SORCS1: variants seen among roughly 807,000 people sequenced by gnomAD.
SORCS1 encodes VPS10 domain-containing receptor SorCS1.
SORCS1 carries 60 observed loss-of-function variants against 146.1 expected under a neutral mutation model. That is an observed-to-expected ratio of 0.41 (90% CI 0.33 to 0.51). The LOEUF (loss-of-function observed/expected upper bound fraction) is 0.51. Ranked by LOEUF, SORCS1 falls within the 20% of genes least tolerant of loss-of-function variation. The pLI, the probability that SORCS1 is intolerant of heterozygous loss-of-function variation, is 0.21. For synonymous variants in SORCS1, 637 were observed against 584.0 expected (o/e 1.09, Z -1.31); for missense variants, 1,352 against 1,487.6 (o/e 0.91, Z 1.50).
chr10:107,154,086 A>G (rs1396279308), intron 1 of SORCS1, among the ~76,000 whole-genome samples: 1 of 133,534 alleles, frequency 7.5e-6, no homozygotes, highest in Non-Finnish European at 1.5e-5. Flanking sequence ...ATCTTGGCTC[A>G]CTGCAACCTC....
intron 3 of SORCS1, among the ~76,000 whole-genome samples, chr10:106,819,398 C>A (rs1191256941): frequency 6.6e-6 from 1 of 152,190 alleles, no homozygotes; most frequent in Non-Finnish European, 1.5e-5. Context: ...TACTGTTCCA[C>A]AACTAATGAT....
Position 106,842,976 on chromosome 10 carries a change from C to T in SORCS1, c.627-13303G>A, listed in dbSNP as rs118128133. Among the ~76,000 whole-genome samples, 1,161 of 152,186 alleles carry T rather than the reference C, an allele frequency of 7.6e-3. 37 individuals carry two copies. In the South Asian group the frequency reaches 0.095, roughly 12 times the overall value. On this transcript the variant is annotated intron_variant, in intron 2 of 25. Transcript: ENST00000263054. ...TATGTATTTCCCCAATTTACTGATA[C>T]GATTGACAAATGTAATTGTATTTAA...
chr10:107,077,645 C>T lies in SORCS1; in HGVS notation c.558+86324G>A, dbSNP rs1484876902. On this transcript the variant is annotated intron_variant, in intron 1 of 25. Transcript: ENST00000263054. ...TCATAAGAATCTCTTACATCCGTTT[C>T]ACAGTTAAGAGAACTGAAATGCAGA... Among the ~76,000 whole-genome samples, 4 of 151,120 alleles carry T rather than the reference C, an allele frequency of 2.6e-5. No homozygotes were observed. The Admixed American group carries it at 2.7e-4, about 10-fold the overall frequency.
chr10:106,711,190 T>C (rs1474636809), intron 6 of SORCS1, among the ~76,000 whole-genome samples: 1 of 152,246 alleles, frequency 6.6e-6, no homozygotes, highest in Non-Finnish European at 1.5e-5. Flanking sequence ...TGAATATTTG[T>C]TGGAACATGC....
At chr10:106,894,136 T>G (rs998493109) in intron 2 of SORCS1, among the ~76,000 whole-genome samples, 1 of 152,198 alleles carries the variant, frequency 6.6e-6, no homozygotes, top group Admixed American at 6.5e-5. Flanking sequence ...CTAATAACAT[T>G]TGATCATGTG....
intron 3 of SORCS1, among the ~76,000 whole-genome samples, chr10:106,828,889 G>A (rs896153731): frequency 2.0e-5 from 3 of 152,110 alleles, no homozygotes; most frequent in Non-Finnish European, 4.4e-5. Flanking sequence ...TAACCAAGAC[G>A]CCTTAACTCT....
intron 2 of SORCS1, among the ~76,000 whole-genome samples, chr10:106,886,464 C>T (rs995751253): frequency 3.9e-5 from 6 of 152,170 alleles, no homozygotes; most frequent in Non-Finnish European, 7.3e-5. Context: ...CACACACACA[C>T]TCTCTGTTAT....
intron 2 of SORCS1, among the ~76,000 whole-genome samples, chr10:106,831,337 T>C (rs1386020564): frequency 1.3e-5 from 2 of 152,246 alleles, no homozygotes; most frequent in Non-Finnish European, 2.9e-5. Context: ...TCCTAAGACT[T>C]ACCAGACAGT....
intron 18 of SORCS1, among the ~76,000 whole-genome samples, chr10:106,635,973 C>A (rs1164490526): frequency 3.3e-5 from 5 of 152,140 alleles, no homozygotes. Context: ...CTCAGGTTAG[C>A]AAGGTCTCGA....
At chr10:106,944,874 CTTTTTT>C (rs765355110) in intron 2 of SORCS1, among the ~76,000 whole-genome samples, 423 of 36,572 alleles carry the variant, frequency 0.012, 5 homozygotes, top group African/African-American at 0.021. Flanking sequence ...AAAGAGCCTT[CTTTTTT>C]TTTTTTTTTT....
chr10:107,055,895 C>T (rs58161626), intron 1 of SORCS1, among the ~76,000 whole-genome samples: 9,030 of 152,220 alleles, frequency 0.059, 840 homozygotes, highest in African/African-American at 0.2. Flanking sequence ...AGAGCCAGTC[C>T]ATAACTACCT....
chr10:106,780,615 C>A (rs778050597), intron 3 of SORCS1, among the ~76,000 whole-genome samples: 121 of 152,242 alleles, frequency 7.9e-4, no homozygotes, highest in Non-Finnish European at 1.6e-3. Context: ...GGCCAGGGGC[C>A]CCTGCAACAC....
rs75990727 is a variant in SORCS1 at position 107,000,886 on chromosome 10, G to A, written c.559-44306C>T. Among the ~76,000 whole-genome samples the A allele has an allele frequency of 2.8e-3, 421 of 152,206 alleles. 6 individuals carry two copies. The highest frequency in any genetic ancestry group is 9.6e-3 in the African/African-American group (398 of 41,494). Reference sequence around the variant, plus strand: ...AAGGGTAGGAAAGGAAGATATCAGTGACTATTTTGAGAGAACACTAGAAGA... The same window carrying A: ...AAGGGTAGGAAAGGAAGATATCAGTAACTATTTTGAGAGAACACTAGAAGA... On this transcript the variant is annotated intron_variant, in intron 1 of 25. Coordinates refer to ENST00000263054, the MANE Select transcript of SORCS1 (RefSeq NM_052918.5).
chr10:107,026,732 T>C (rs968307625), intron 1 of SORCS1, among the ~76,000 whole-genome samples: 1 of 151,684 alleles, frequency 6.6e-6, no homozygotes, highest in African/African-American at 2.4e-5. Flanking sequence ...CTGTGCTGAG[T>C]GTGATGTGAC....
intron 18 of SORCS1, among the ~76,000 whole-genome samples, chr10:106,648,473 C>T (rs551464671): frequency 5.0e-4 from 76 of 152,264 alleles, no homozygotes; most frequent in Non-Finnish European, 9.4e-4. Flanking sequence ...TTTAATGCTA[C>T]ATATATTTTA....
Position 106,577,240 on chromosome 10 carries a change from G to A in SORCS1, c.*180C>T. On this transcript the variant is annotated 3_prime_UTR_variant, in exon 26 of 26. Coordinates refer to ENST00000263054, the MANE Select transcript of SORCS1 (RefSeq NM_052918.5). ...CTCCATTCAAACATTTACATAGGTAGGGATTTCTTTTGTGCTTTGATTCTC... is the reference window on the plus strand; with the variant it reads ...CTCCATTCAAACATTTACATAGGTAAGGATTTCTTTTGTGCTTTGATTCTC... 1 of 1,593,562 alleles carries A rather than the reference G, an allele frequency of 6.3e-7. No individual in the cohort carries two copies. Among genetic ancestry groups the A allele is most frequent in the Non-Finnish European group, 8.6e-7 (1 of 1,167,644 alleles).
chr10:106,649,117 G>C (rs763167760), intron 18 of SORCS1, among the ~76,000 whole-genome samples: 1 of 152,124 alleles, frequency 6.6e-6, no homozygotes, highest in Non-Finnish European at 1.5e-5. Flanking sequence ...CCAAGCCCAG[G>C]TGTGATCCGA....
intron 3 of SORCS1, among the ~76,000 whole-genome samples, chr10:106,818,710 G>A (rs935727888): frequency 4.6e-5 from 7 of 152,112 alleles, no homozygotes; most frequent in South Asian, 2.1e-4. Flanking sequence ...CATGTTTTAC[G>A]AGTCTAAATA....
intron 2 of SORCS1, among the ~76,000 whole-genome samples, chr10:106,874,677 T>C (rs1052958998): frequency 5.3e-5 from 8 of 152,224 alleles, no homozygotes; most frequent in Non-Finnish European, 8.8e-5. Context: ...GGGAGGCACA[T>C]GGCTGTGCAC....
Sources: allele counts gnomAD v4.1 joint callset (sites outside exome capture counted in the v4.1 genomes callset), GRCh38; gene constraint gnomAD v4.1.1; transcripts MANE v1.5; gene names NCBI Gene and HGNC (gene_info 2026-07-23, HGNC 2026-07-21).